Variants in KCNH5 observed in about 807,000 individuals in gnomAD.
The protein encoded by KCNH5 is voltage-gated delayed rectifier potassium channel KCNH5.
A neutral mutation model predicts 96.1 loss-of-function variants in KCNH5; 46 were observed. The ratio of observed to expected loss-of-function variants is 0.48; its 90% CI spans 0.38 to 0.61. KCNH5 has a LOEUF of 0.61. Ranked by LOEUF, KCNH5 falls within the 20% of genes least tolerant of loss-of-function variation. The pLI is 0.00. For synonymous variants in KCNH5, 439 were observed against 449.8 expected (o/e 0.98, Z 0.30); for missense variants, 907 against 1,225.8 (o/e 0.74, Z 3.88).
chr14:62,868,005 G>T (rs78840268), intron 7 of KCNH5, among the ~76,000 whole-genome samples: 2 of 152,164 alleles, frequency 1.3e-5, no homozygotes, highest in East Asian at 3.8e-4. Flanking sequence ...ATAACCTGAC[G>T]CTCTCTCCAA....
Position 62,834,758 on chromosome 14 carries a change from T to C in KCNH5, c.1569+14895A>G, listed in dbSNP as rs182185562. ...AGTTATCAAAAATCAAAAGAAAAAATAACATTTAATGGTATGTGAGAAAAA... is the reference window on the plus strand; with the variant it reads ...AGTTATCAAAAATCAAAAGAAAAAACAACATTTAATGGTATGTGAGAAAAA... On this transcript the variant is annotated intron_variant, in intron 8 of 10. Transcript: ENST00000322893. Among the ~76,000 whole-genome samples, 6 of 151,976 alleles carry C rather than the reference T, an allele frequency of 3.9e-5. No homozygotes were observed. In the East Asian group the frequency reaches 1.2e-3, roughly 29 times the overall value.
At chr14:62,978,667 A>C (rs1246539251) in intron 6 of KCNH5, among the ~76,000 whole-genome samples, 1 of 151,846 alleles carries the variant, frequency 6.6e-6, no homozygotes. Context: ...AGTTGAGAGA[A>C]TCTTTTAATA....
intron 7 of KCNH5, among the ~76,000 whole-genome samples, chr14:62,941,457 T>G (rs147958844): frequency 9.1e-4 from 139 of 152,258 alleles, no homozygotes; most frequent in Non-Finnish European, 1.4e-3. Flanking sequence ...CATCTGAGAC[T>G]GCTAAACCAT....
chr14:62,927,098 C>G (rs557434141), intron 7 of KCNH5, among the ~76,000 whole-genome samples: 27 of 152,084 alleles, frequency 1.8e-4, no homozygotes, highest in African/African-American at 6.5e-4. Flanking sequence ...TTGAATAGAC[C>G]CTTCTTCAAA....
chr14:62,900,339 T>C (rs759931551), intron 7 of KCNH5, among the ~76,000 whole-genome samples: 13 of 152,242 alleles, frequency 8.5e-5, no homozygotes, highest in Admixed American at 2.0e-4. Context: ...GGAAGTTTAA[T>C]AAATAGCTTA....
At chr14:63,043,953 T>C (rs1415469422) in intron 1 of KCNH5, among the ~76,000 whole-genome samples, 6 of 152,220 alleles carry the variant, frequency 3.9e-5, no homozygotes, top group African/African-American at 1.4e-4. Flanking sequence ...TAATTACTTT[T>C]TTTTAATCCC....
intron 9 of KCNH5, among the ~76,000 whole-genome samples, chr14:62,791,361 GA>G (rs1164381738): frequency 6.7e-6 from 1 of 150,312 alleles, no homozygotes; most frequent in Non-Finnish European, 1.5e-5. Context: ...TCACAAGAAG[GA>G]AAAAAAAGGA....
chr14:62,786,687 C>T (rs1886326938), intron 9 of KCNH5, among the ~76,000 whole-genome samples: 1 of 152,088 alleles, frequency 6.6e-6, no homozygotes, highest in Admixed American at 6.5e-5. Context: ...ACAAGTCTAT[C>T]GGTGTCATAT....
Position 62,700,214 on chromosome 14 carries a change from G to C in KCNH5, c.*7294C>G, listed in dbSNP as rs1304979548. Reference sequence around the variant, plus strand: ...ATCGTGAATCTGCACATTTTGTGTTGTTTGAGTACCAAGCACTTCTAAAAG... The same window carrying C: ...ATCGTGAATCTGCACATTTTGTGTTCTTTGAGTACCAAGCACTTCTAAAAG... On this transcript the variant is annotated 3_prime_UTR_variant, in exon 11 of 11. Transcript: ENST00000322893. The C allele has an allele frequency of 6.6e-6, 1 of 152,164 alleles. No homozygotes were observed. Among genetic ancestry groups the C allele is most frequent in the African/African-American group, 2.4e-5 (1 of 41,448 alleles). 9.4% of individuals were successfully genotyped at this position (152,164 alleles called of 1,614,324 possible). A position where few individuals can be genotyped will look rare whatever the true frequency, so the allele number is the denominator to read the frequency against.
intron 10 of KCNH5, among the ~76,000 whole-genome samples, chr14:62,746,812 G>A (rs1885384842): frequency 6.6e-6 from 1 of 152,202 alleles, no homozygotes; most frequent in African/African-American, 2.4e-5. Flanking sequence ...TGACAAGTCT[G>A]ACTAGTGGAA....
chr14:62,709,493 T>C (rs915549427), intron 10 of KCNH5, among the ~76,000 whole-genome samples: 1 of 152,126 alleles, frequency 6.6e-6, no homozygotes, highest in African/African-American at 2.4e-5. Flanking sequence ...CCTCGAAAAC[T>C]CATGATCGTT....
chr14:62,732,878 T>C (rs989325275), intron 10 of KCNH5, among the ~76,000 whole-genome samples: 5 of 152,076 alleles, frequency 3.3e-5, no homozygotes, highest in Admixed American at 1.3e-4. Flanking sequence ...ATACAGTTTC[T>C]CTCTTTCTGT....
intron 1 of KCNH5, among the ~76,000 whole-genome samples, chr14:63,019,112 A>C (rs75137784): frequency 6.6e-6 from 1 of 151,940 alleles, no homozygotes; most frequent in African/African-American, 2.4e-5. Context: ...AAAAAAACAA[A>C]AGAGAGCACA....
intron 10 of KCNH5, among the ~76,000 whole-genome samples, chr14:62,760,496 G>A (rs549060218): frequency 1.2e-4 from 19 of 152,274 alleles, no homozygotes; most frequent in African/African-American, 2.6e-4. Context: ...TGCAGCTTCC[G>A]TTCCAGATTG....
intron 7 of KCNH5, among the ~76,000 whole-genome samples, chr14:62,877,908 C>A (rs529716257): frequency 4.3e-4 from 64 of 150,478 alleles, no homozygotes; most frequent in African/African-American, 1.5e-3. Flanking sequence ...ATGTTTATTG[C>A]GGCACTATTC....
chr14:62,887,778 A>C (rs1888627234), intron 7 of KCNH5, among the ~76,000 whole-genome samples: 1 of 151,906 alleles, frequency 6.6e-6, no homozygotes, highest in African/African-American at 2.4e-5. Context: ...CCCTGAAATT[A>C]TTATTAAAGC....
intron 7 of KCNH5, among the ~76,000 whole-genome samples, chr14:62,855,924 G>A (rs1375617692): frequency 2.6e-5 from 4 of 151,900 alleles, no homozygotes; most frequent in Non-Finnish European, 1.5e-5. Context: ...GGAACACAAT[G>A]ATAAAAAAGA....
chr14:62,815,340 GT>G (rs993274286), intron 8 of KCNH5, among the ~76,000 whole-genome samples: 15 of 152,006 alleles, frequency 9.9e-5, no homozygotes, highest in Admixed American at 8.5e-4. Context: ...TGATAATAAG[GT>G]TTTAATATCC....
intron 10 of KCNH5, among the ~76,000 whole-genome samples, chr14:62,748,371 C>T (rs1477804190): frequency 3.3e-5 from 5 of 152,158 alleles, no homozygotes; most frequent in African/African-American, 7.2e-5. Flanking sequence ...CTTCAGATAT[C>T]GGGATATCTG....
Sources: gnomAD v4.1 joint callset for allele counts (sites outside exome capture counted in the v4.1 genomes callset) on GRCh38, gnomAD v4.1.1 for gene constraint, MANE v1.5 for transcripts, NCBI Gene and HGNC (gene_info 2026-07-23, HGNC 2026-07-21) for gene names.